Variants in KCNJ15 observed in about 807,000 individuals in gnomAD.
The protein encoded by KCNJ15 is ATP-sensitive inward rectifier potassium channel 15.
A neutral mutation model predicts 23.0 loss-of-function variants in KCNJ15; 14 were observed. That is an observed-to-expected ratio of 0.61 (90% CI 0.40 to 0.95). KCNJ15 has a LOEUF of 0.95. Ranked by LOEUF, KCNJ15 falls within the 40% of genes least tolerant of loss-of-function variation. The pLI is 0.00. For synonymous variants in KCNJ15, 185 were observed against 183.2 expected, an observed-to-expected ratio of 1.01 and a Z score of -0.08; for missense variants, 388 against 461.8, an observed-to-expected ratio of 0.84 and a Z score of 1.46.
At chr21:38,261,523 T>A (rs2000457) in intron 1 of KCNJ15, among the ~76,000 whole-genome samples, 52,598 of 152,126 alleles carry the variant, frequency 0.35, 11,395 homozygotes, top group Non-Finnish European at 0.5. Flanking sequence ...AAAAAATACC[T>A]ATCATGTTTA....
At chr21:38,231,087 A>T (rs1003965743) in intron 1 of KCNJ15, among the ~76,000 whole-genome samples, 11 of 152,040 alleles carry the variant, frequency 7.2e-5, no homozygotes, top group Non-Finnish European at 1.6e-4. Flanking sequence ...GTCTTTTAAA[A>T]TTTCTTTCAA....
At position 38,231,723 on chromosome 21, in the gene KCNJ15, G is replaced by A. The variant is rs377728975; in HGVS notation, c.-398-25323G>A. 2.6e-5 allele frequency among the ~76,000 whole-genome samples: 4 copies of A among 151,702 alleles called. 1 individual carries two copies. Among genetic ancestry groups the A allele is most frequent in the South Asian group, 2.1e-4 (1 of 4,816 alleles). ...TTTTATGCTCTATTGAAATGACCAC[G>A]TGTTTTTTTGTTCTTCTTTCTATTG... On this transcript the variant is annotated intron_variant, in intron 1 of 4. Transcript: ENST00000547341.
rs867558228 is a variant in KCNJ15 at position 38,247,399 on chromosome 21, C to T, written c.-398-9647C>T. Among the ~76,000 whole-genome samples, 78 of 107,192 alleles carry T rather than the reference C, an allele frequency of 7.3e-4. 2 individuals are homozygous for T. The highest frequency in any genetic ancestry group is 2.2e-3 in the African/African-American group (59 of 26,238). 70.3% of individuals were successfully genotyped at this position (107,192 alleles called of 152,430 possible). A position where few individuals can be genotyped will look rare whatever the true frequency, so the allele number is the denominator to read the frequency against. ...ATGGATGAATGGATGTATGGATAAA[C>T]GGATGGATAGATGGATAAATGGATG... On this transcript the variant is annotated intron_variant, in intron 1 of 4. Transcript: ENST00000547341.
chr21:38,286,195 A>T (rs1037936704), intron 1 of KCNJ15, among the ~76,000 whole-genome samples: 1 of 152,184 alleles, frequency 6.6e-6, no homozygotes, highest in Admixed American at 6.5e-5. Context: ...GTGAGCTGAG[A>T]TCATGCCACT....
chr21:38,230,061 A>G (rs1292286849), intron 1 of KCNJ15, among the ~76,000 whole-genome samples: 1 of 152,240 alleles, frequency 6.6e-6, no homozygotes, highest in Non-Finnish European at 1.5e-5. Flanking sequence ...AACTAAGAAT[A>G]GAATGATTGG....
chr21:38,303,664 G>A lies in KCNJ15; in HGVS notation c.*3275G>A, dbSNP rs1424924178. ...AAAAATGCCATGAATGAATGAACCA[G>A]ATGTTTAATAAATCAAAACAACTAT... On this transcript the variant is annotated 3_prime_UTR_variant, in exon 3 of 3. Transcript: ENST00000398938. The A allele has an allele frequency of 6.6e-6, 1 of 151,406 alleles. No homozygotes were observed. Among genetic ancestry groups the A allele is most frequent in the Non-Finnish European group, 1.5e-5 (1 of 67,970 alleles). 9.4% of individuals were successfully genotyped at this position (151,406 alleles called of 1,614,324 possible). A position where few individuals can be genotyped will look rare whatever the true frequency, so the allele number is the denominator to read the frequency against.
intron 1 of KCNJ15, among the ~76,000 whole-genome samples, chr21:38,293,241 A>G: frequency 6.6e-6 from 1 of 152,164 alleles, no homozygotes; most frequent in East Asian, 1.9e-4. Flanking sequence ...TACCAGAAGG[A>G]AGGAACAGCC....
At chr21:38,251,732 G>A (rs1257977613) in intron 1 of KCNJ15, among the ~76,000 whole-genome samples, 4 of 152,144 alleles carry the variant, frequency 2.6e-5, no homozygotes, top group Non-Finnish European at 1.5e-5. Flanking sequence ...ACCCATCATC[G>A]CAATTTGCCA....
chr21:38,258,391 G>T (rs897094672), intron 1 of KCNJ15, among the ~76,000 whole-genome samples: 2 of 152,190 alleles, frequency 1.3e-5, no homozygotes, highest in African/African-American at 2.4e-5. Flanking sequence ...AGGTAAGTAA[G>T]CACTTACCTC....
At chr21:38,239,885 G>A (rs904890712) in intron 1 of KCNJ15, among the ~76,000 whole-genome samples, 2 of 152,202 alleles carry the variant, frequency 1.3e-5, no homozygotes, top group African/African-American at 4.8e-5. Flanking sequence ...TGATGCAGAT[G>A]TTTGGCTCAA....
In KCNJ15 at chr21:38,296,109, C is replaced by T. The variant is rs57288041; in HGVS notation, c.-116-817C>T. 4.8e-3 allele frequency among the ~76,000 whole-genome samples: 732 copies of T among 152,052 alleles called. 9 individuals carry two copies. The highest frequency in any genetic ancestry group is 0.017 in the African/African-American group (696 of 41,462). Reference sequence around the variant, plus strand: ...CAGATGGATGATTGATAGATAGATACAGATCATAGATAATTGATAGGTAAT... The same window carrying T: ...CAGATGGATGATTGATAGATAGATATAGATCATAGATAATTGATAGGTAAT... On this transcript the variant is annotated intron_variant, in intron 1 of 2. Coordinates refer to ENST00000398938, the MANE Select transcript of KCNJ15 (RefSeq NM_170736.3).
At chr21:38,230,892 G>A (rs2123530781) in intron 1 of KCNJ15, among the ~76,000 whole-genome samples, 1 of 151,950 alleles carries the variant, frequency 6.6e-6, no homozygotes, top group African/African-American at 2.4e-5. Context: ...GATTCTTTTG[G>A]CTACTCTAGT....
At position 38,303,398 on chromosome 21, in the gene KCNJ15, G is replaced by C. The variant is rs1182743087; in HGVS notation, c.*3009G>C. On this transcript the variant is annotated 3_prime_UTR_variant, in exon 3 of 3. Coordinates refer to ENST00000398938, the MANE Select transcript of KCNJ15 (RefSeq NM_170736.3). Reference sequence around the variant, plus strand: ...CATTAAAAAACGTTGTGTTCCATTTGAGAAACCAGAGTCAACAGCAGTAAA... The same window carrying C: ...CATTAAAAAACGTTGTGTTCCATTTCAGAAACCAGAGTCAACAGCAGTAAA... 6.6e-6 allele frequency: 1 copy of C among 151,964 alleles called. No homozygotes were observed. Among genetic ancestry groups the C allele is most frequent in the African/African-American group, 2.4e-5 (1 of 41,376 alleles). 9.4% of individuals were successfully genotyped at this position (151,964 alleles called of 1,614,324 possible).
intron 1 of KCNJ15, among the ~76,000 whole-genome samples, chr21:38,260,348 G>C (rs1041493723): frequency 1.3e-5 from 2 of 152,190 alleles, no homozygotes; most frequent in African/African-American, 4.8e-5. Context: ...TCTGTCACAT[G>C]CCCAGGGAGA....
intron 1 of KCNJ15, among the ~76,000 whole-genome samples, chr21:38,236,952 G>A (rs1413827164): frequency 6.6e-6 from 1 of 152,148 alleles, no homozygotes; most frequent in Non-Finnish European, 1.5e-5. Flanking sequence ...GACAGTCTAT[G>A]GGTGGGAGGG....
chr21:38,244,426 G>A (rs1317807688), intron 1 of KCNJ15, among the ~76,000 whole-genome samples: 1 of 152,164 alleles, frequency 6.6e-6, no homozygotes, highest in Non-Finnish European at 1.5e-5. Context: ...AACCTGACCT[G>A]AATTGGACCT....
At position 38,307,063 on chromosome 21, in the gene KCNJ15, C is replaced by G. The variant is rs1986082095; in HGVS notation, c.*6674C>G. On this transcript the variant is annotated 3_prime_UTR_variant, in exon 3 of 3. Coordinates refer to ENST00000398938, the MANE Select transcript of KCNJ15 (RefSeq NM_170736.3). ...CCATGGTTCTTAAGTGAGTCTTAAG[C>G]TTGGATTTGCTCCAGCAGAATGGTG... is the stretch of plus-strand genomic sequence containing the variant. 1 of 152,174 alleles carries G rather than the reference C, an allele frequency of 6.6e-6. No homozygotes were observed. The highest frequency in any genetic ancestry group is 2.4e-5 in the African/African-American group (1 of 41,442). 9.4% of individuals were successfully genotyped at this position (152,174 alleles called of 1,614,324 possible).
intron 1 of KCNJ15, among the ~76,000 whole-genome samples, chr21:38,292,923 T>A (rs1433562027): frequency 6.7e-6 from 1 of 150,168 alleles, no homozygotes; most frequent in Non-Finnish European, 1.5e-5. Context: ...GAGCCAAGAT[T>A]GTGCCACTGC....
intron 1 of KCNJ15, among the ~76,000 whole-genome samples, chr21:38,240,055 A>C (rs1051371127): frequency 6.6e-6 from 1 of 152,128 alleles, no homozygotes; most frequent in African/African-American, 2.4e-5. Flanking sequence ...TTTTTTCTCC[A>C]TGAATAGTTT....
Sources: gnomAD v4.1 joint callset for allele counts (sites outside exome capture counted in the v4.1 genomes callset) on GRCh38, gnomAD v4.1.1 for gene constraint, MANE v1.5 for transcripts, NCBI Gene and HGNC (gene_info 2026-07-23, HGNC 2026-07-21) for gene names.